The following SPMAP2L variants were observed in gnomAD, a reference collection of about 807,000 sequenced individuals.
SPMAP2L encodes the protein sperm microtubule associated protein 2 like, also known as sperm microtubule associated protein 2-like.
the SPMAP2L span, chr4:56,593,958 T>C: frequency 6.2e-7 from 1 of 1,609,200 alleles, no homozygotes. Context: ...CATGACGTGT[T>C]CTTTGATACC....
At chr4:56,563,090 C>CTTTTT in the SPMAP2L span, among the ~76,000 whole-genome samples, 83 of 98,246 alleles carry the variant, frequency 8.4e-4, 5 homozygotes, top group Admixed American at 1.1e-3. Flanking sequence ...GTTGTTAAGG[C>CTTTTT]TTTTTTTTTT....
chr4:56,587,573 G>A, the SPMAP2L span, among the ~76,000 whole-genome samples: 1 of 151,698 alleles, frequency 6.6e-6, no homozygotes, highest in Admixed American at 6.6e-5. Context: ...ACAGTGTTTG[G>A]TTTTTCATTC....
chr4:56,624,183 C>T, the SPMAP2L span, among the ~76,000 whole-genome samples: 2 of 152,180 alleles, frequency 1.3e-5, no homozygotes, highest in Admixed American at 1.3e-4. Flanking sequence ...CATTTTGCTC[C>T]TGCCTTAGAG....
At chr4:56,594,659 G>A in the SPMAP2L span, 2 of 1,320,652 alleles carry the variant, frequency 1.5e-6, no homozygotes, top group Non-Finnish European at 2.2e-6. Context: ...GATTCAGCCT[G>A]TGGAGGTGGA....
At chr4:56,597,295 C>A in the SPMAP2L span, among the ~76,000 whole-genome samples, 8 of 152,154 alleles carry the variant, frequency 5.3e-5, no homozygotes, top group Admixed American at 2.0e-4. Context: ...TAGCCGCCCT[C>A]ACCGAGTGGT....
At chr4:56,538,110 T>C in the SPMAP2L span, among the ~76,000 whole-genome samples, 2 of 152,204 alleles carry the variant, frequency 1.3e-5, no homozygotes, top group Non-Finnish European at 2.9e-5. Context: ...AGATCATGTC[T>C]TTCCCTTATA....
the SPMAP2L span, among the ~76,000 whole-genome samples, chr4:56,615,957 C>G: frequency 6.6e-6 from 1 of 152,194 alleles, no homozygotes; most frequent in Admixed American, 6.5e-5. Flanking sequence ...ACAAGAATCA[C>G]TCAAAGGACT....
At chr4:56,559,613 G>A in the SPMAP2L span, 10 of 1,277,216 alleles carry the variant, frequency 7.8e-6, no homozygotes, top group African/African-American at 1.4e-4. Context: ...TGTCACCTAG[G>A]CTGGAGTGCA....
chr4:56,563,393 A>G, the SPMAP2L span, among the ~76,000 whole-genome samples: 3 of 151,436 alleles, frequency 2.0e-5, no homozygotes, highest in Non-Finnish European at 4.4e-5. Flanking sequence ...TGCGAGCCAC[A>G]GTGCCTGACC....
At chr4:56,591,508 T>G in the SPMAP2L span, among the ~76,000 whole-genome samples, 12 of 152,150 alleles carry the variant, frequency 7.9e-5, no homozygotes, top group Admixed American at 1.3e-4. Context: ...GGAATTTGAT[T>G]AATACACAAA....
chr4:56,547,076 G>A, the SPMAP2L span, among the ~76,000 whole-genome samples: 1 of 152,070 alleles, frequency 6.6e-6, no homozygotes, highest in Admixed American at 6.6e-5. Context: ...TCACAAGTTC[G>A]TTGAATAGTT....
chr4:56,587,013 G>A, the SPMAP2L span, among the ~76,000 whole-genome samples: 260 of 152,062 alleles, frequency 1.7e-3, 3 homozygotes, highest in African/African-American at 6.1e-3. Context: ...ATAATCAATA[G>A]CCTCATTTTT....
At chr4:56,603,389 C>A in the SPMAP2L span, 1 of 1,179,852 alleles carries the variant, frequency 8.5e-7, no homozygotes, top group South Asian at 1.7e-5. Flanking sequence ...TGACTTAGTT[C>A]CCTGTTGCGG....
chr4:56,592,296 C>G, the SPMAP2L span, among the ~76,000 whole-genome samples: 1 of 152,198 alleles, frequency 6.6e-6, no homozygotes, highest in Admixed American at 6.5e-5. Flanking sequence ...CCCTGGTGTC[C>G]AAAAGGTTGG....
chr4:56,532,204 C>T, the SPMAP2L span, among the ~76,000 whole-genome samples: 5 of 150,392 alleles, frequency 3.3e-5, no homozygotes, highest in African/African-American at 1.2e-4. Flanking sequence ...CTAAACTTCA[C>T]ACCTTTGACC....
the SPMAP2L span, among the ~76,000 whole-genome samples, chr4:56,570,227 A>C: frequency 1.3e-5 from 2 of 152,316 alleles, no homozygotes; most frequent in South Asian, 4.1e-4. Context: ...GAACCTACCC[A>C]GGAAGCCTCT....
At chr4:56,549,920 C>CT in the SPMAP2L span, among the ~76,000 whole-genome samples, 2 of 152,078 alleles carry the variant, frequency 1.3e-5, no homozygotes, top group African/African-American at 2.4e-5. Context: ...CCAAATAGTT[C>CT]TAGTACCAAG....
At chr4:56,543,923 TGTA>T in the SPMAP2L span, among the ~76,000 whole-genome samples, 3 of 119,524 alleles carry the variant, frequency 2.5e-5, no homozygotes, top group East Asian at 2.8e-4. Flanking sequence ...TGTGTGTGTG[TGTA>T]TGTGAGAGAG....
chr4:56,532,232 A>G, the SPMAP2L span, among the ~76,000 whole-genome samples: 3 of 151,252 alleles, frequency 2.0e-5, no homozygotes, highest in Admixed American at 2.0e-4. Flanking sequence ...CCAGCTGAAG[A>G]CTTTGCCCCA....
Sources: allele counts gnomAD v4.1 joint callset (sites outside exome capture counted in the v4.1 genomes callset), GRCh38; gene constraint gnomAD v4.1.1; transcripts MANE v1.5; gene names NCBI Gene and HGNC (gene_info 2026-07-23, HGNC 2026-07-21).